The following TBX15 variants were observed in gnomAD, a reference collection of about 807,000 sequenced individuals.
The protein encoded by TBX15 is T-box transcription factor TBX15.
A neutral mutation model predicts 53.9 loss-of-function variants in TBX15; 18 were observed. That is an observed-to-expected ratio of 0.33 (90% confidence interval 0.23 to 0.49). The LOEUF is 0.49. Among genes scored for constraint, TBX15 ranks in the 20% least tolerant of loss-of-function variants. TBX15 has a pLI of 0.98. For missense variants in TBX15, 692 were observed against 749.5 expected (o/e 0.92, Z 0.90); for synonymous variants, 295 against 278.0 (o/e 1.06, Z -0.61).
intron 1 of TBX15, among the ~76,000 whole-genome samples, chr1:118,940,650 T>C (rs962312793): frequency 2.7e-5 from 4 of 150,566 alleles, no homozygotes; most frequent in African/African-American, 9.9e-5. Context: ...ATAATGTATA[T>C]GAAAGCACTT....
chr1:118,941,250 C>A (rs1254044451), intron 1 of TBX15, among the ~76,000 whole-genome samples: 5 of 152,146 alleles, frequency 3.3e-5, no homozygotes, highest in African/African-American at 1.2e-4. Flanking sequence ...GCCTTACAAG[C>A]ATTTGCTTTA....
At chr1:118,908,745 GTCTCTC>G (rs145625575) in intron 6 of TBX15, among the ~76,000 whole-genome samples, 1 of 149,118 alleles carries the variant, frequency 6.7e-6, no homozygotes, top group Middle Eastern at 3.5e-3. Flanking sequence ...ACCTACTCCT[GTCTCTC>G]TCTCTCTCTC....
chr1:118,979,262 G>A (rs764697689), intron 1 of TBX15, among the ~76,000 whole-genome samples: 7 of 151,940 alleles, frequency 4.6e-5, no homozygotes, highest in Non-Finnish European at 7.4e-5. Context: ...AGAGCAGCGG[G>A]AAGGACAATC....
intron 1 of TBX15, among the ~76,000 whole-genome samples, chr1:118,963,551 G>A (rs1357855327): frequency 6.6e-6 from 1 of 152,192 alleles, no homozygotes; most frequent in African/African-American, 2.4e-5. Flanking sequence ...ACAGGCTAAG[G>A]CCCCAGTGTA....
intron 6 of TBX15, among the ~76,000 whole-genome samples, chr1:118,901,049 G>T (rs1438666368): frequency 6.6e-6 from 1 of 152,126 alleles, no homozygotes; most frequent in Admixed American, 6.5e-5. Context: ...CTATGAAATT[G>T]CAATAATATA....
At chr1:118,974,753 T>A (rs1320476352) in intron 1 of TBX15, among the ~76,000 whole-genome samples, 1 of 152,042 alleles carries the variant, frequency 6.6e-6, no homozygotes, top group African/African-American at 2.4e-5. Flanking sequence ...AATAAATGAA[T>A]CAGAGCAGTC....
At chr1:118,890,365 T>C (rs1338753190) in intron 7 of TBX15, among the ~76,000 whole-genome samples, 1 of 152,182 alleles carries the variant, frequency 6.6e-6, no homozygotes, top group African/African-American at 2.4e-5. Flanking sequence ...TTAGAGGTCT[T>C]AATTCACTTC....
At chr1:118,978,009 G>A (rs1279705743) in intron 1 of TBX15, among the ~76,000 whole-genome samples, 1 of 152,124 alleles carries the variant, frequency 6.6e-6, no homozygotes. Flanking sequence ...AGTTTTTCCA[G>A]TTATTTCTGG....
At chr1:118,904,443 G>A (rs1043727297) in intron 6 of TBX15, among the ~76,000 whole-genome samples, 2 of 152,142 alleles carry the variant, frequency 1.3e-5, no homozygotes, top group Non-Finnish European at 2.9e-5. Context: ...GCAGAGGTGT[G>A]CAAATTGACT....
intron 1 of TBX15, among the ~76,000 whole-genome samples, chr1:118,972,344 C>T (rs1176775565): frequency 2.0e-5 from 3 of 152,122 alleles, no homozygotes; most frequent in Non-Finnish European, 4.4e-5. Flanking sequence ...TGCCCTTTTC[C>T]TTCTTAAAAT....
intron 1 of TBX15, among the ~76,000 whole-genome samples, chr1:118,934,172 A>G (rs1470906001): frequency 6.6e-6 from 1 of 152,176 alleles, no homozygotes; most frequent in African/African-American, 2.4e-5. Flanking sequence ...CCATTTAACC[A>G]CAGGGGGGGC....
chr1:118,952,708 G>T (rs187020627), intron 1 of TBX15, among the ~76,000 whole-genome samples: 217 of 152,236 alleles, frequency 1.4e-3, no homozygotes, highest in African/African-American at 4.8e-3. Flanking sequence ...TCCCAAGGGG[G>T]CTAGCCATAG....
intron 6 of TBX15, 118 bp downstream of exon 6, chr1:118,913,997 T>C: frequency 1.0e-6 from 1 of 984,504 alleles, no homozygotes; most frequent in Non-Finnish European, 1.6e-6. Context: ...TGCCGAAGTG[T>C]ACACAGTGGC....
At chr1:118,929,481 A>G (rs979204332) in intron 2 of TBX15, among the ~76,000 whole-genome samples, 1 of 152,236 alleles carries the variant, frequency 6.6e-6, no homozygotes, top group African/African-American at 2.4e-5. Flanking sequence ...GAGTTGTTTC[A>G]GAATTACCTG....
chr1:118,936,421 A>G (rs543295260), intron 1 of TBX15, among the ~76,000 whole-genome samples: 1 of 152,162 alleles, frequency 6.6e-6, no homozygotes, highest in African/African-American at 2.4e-5. Flanking sequence ...ACTGCAGTGA[A>G]CAAAGCACAT....
At position 118,883,307 on chromosome 1, in the gene TBX15, A is replaced by C. The variant is rs1333548086; in HGVS notation, c.*1425T>G. ...ATTTGCATTTCCACACCATTTAAAA[A>C]TTTTAGCTTGCACCAAGCTTCACTT... On this transcript the variant is annotated 3_prime_UTR_variant, in exon 8 of 8. Coordinates refer to ENST00000369429, the MANE Select transcript of TBX15 (RefSeq NM_001330677.2). 1 of 152,624 alleles carries C rather than the reference A, an allele frequency of 6.6e-6. No individual in the cohort carries two copies. Among genetic ancestry groups the C allele is most frequent in the East Asian group, 1.9e-4 (1 of 5,194 alleles). 9.5% of individuals were successfully genotyped at this position (152,624 alleles called of 1,614,324 possible). A position where few individuals can be genotyped will look rare whatever the true frequency, so the allele number is the denominator to read the frequency against.
chr1:118,987,523 C>A, intron 1 of TBX15, 68 bp downstream of exon 1: 1 of 1,494,522 alleles, frequency 6.7e-7, no homozygotes, highest in Admixed American at 2.2e-5. Context: ...TCCTCACCCG[C>A]GACCGGCGAC....
intron 1 of TBX15, among the ~76,000 whole-genome samples, chr1:118,970,504 G>A (rs1460599553): frequency 6.6e-5 from 10 of 152,200 alleles, no homozygotes; most frequent in Non-Finnish European, 1.5e-4. Flanking sequence ...AACTGGCATA[G>A]TAGTCAGAAC....
chr1:118,956,287 A>G (rs1009396387), intron 1 of TBX15, among the ~76,000 whole-genome samples: 7 of 152,234 alleles, frequency 4.6e-5, no homozygotes, highest in African/African-American at 9.6e-5. Context: ...AAAAAATACT[A>G]GTACTGGATA....
Sources: allele counts gnomAD v4.1 joint callset (sites outside exome capture counted in the v4.1 genomes callset), GRCh38; gene constraint gnomAD v4.1.1; transcripts MANE v1.5; gene names NCBI Gene and HGNC (gene_info 2026-07-23, HGNC 2026-07-21).